The following PCDHA6 variants were observed in gnomAD, a reference collection of about 807,000 sequenced individuals.
The protein encoded by PCDHA6 is protocadherin alpha-6.
In PCDHA6, 55 loss-of-function variants were observed where a neutral mutation model predicts 60.3. The observed-to-expected ratio is 0.91, with a 90% CI of 0.73 to 1.14. The LOEUF (loss-of-function observed/expected upper bound fraction) is 1.14, where lower values mean the gene tolerates loss of function less well. Ranked by LOEUF, PCDHA6 falls within the 50% of genes most tolerant of loss-of-function variation. PCDHA6 has a pLI of 0.00. For missense variants in PCDHA6, 1,327 were observed against 1,256.5 expected (o/e 1.06, Z -0.85); for synonymous variants, 652 against 557.9 (o/e 1.17, Z -2.38).
intron 1 of PCDHA6, chr5:140,862,540 G>A: frequency 4.5e-6 from 2 of 444,274 alleles, no homozygotes; most frequent in South Asian, 3.5e-5. Flanking sequence ...TCGGGTCCGT[G>A]GAAGTGGCCG....
chr5:141,009,771 T>C lies in PCDHA6; in HGVS notation c.2687T>C (p.Ile896Thr), dbSNP rs142720081. 3.1e-5 allele frequency: 50 copies of C among 1,613,964 alleles called. No homozygotes were observed. The highest frequency in any genetic ancestry group is 1.6e-4 in the Middle Eastern group (1 of 6,084). Residue 896 changes from isoleucine (I) to threonine (T), a missense_variant, in exon 4 of 4, where the codon ATC (isoleucine) becomes ACC (threonine). Transcript: ENST00000529310. ...DKFIIPGSPA[I>T]ISIRQEPTNS... ...TTCATTATCCCAGGATCTCCTGCAA[T>C]CATCTCCATCCGGCAGGAGCCTACT...
At chr5:141,006,058 G>T (rs1002161598) in intron 3 of PCDHA6, among the ~76,000 whole-genome samples, 2 of 149,786 alleles carry the variant, frequency 1.3e-5, no homozygotes, top group Non-Finnish European at 3.0e-5. Flanking sequence ...GAGTGGAGAA[G>T]AAATAAAAAT....
intron 1 of PCDHA6, chr5:140,877,494 G>A: frequency 6.2e-7 from 1 of 1,613,890 alleles, no homozygotes; most frequent in Non-Finnish European, 8.5e-7. Context: ...AGAACGGCCA[G>A]GCCCCAAAGA....
chr5:140,841,209 T>A (rs1777094069), intron 1 of PCDHA6: 4 of 1,385,024 alleles, frequency 2.9e-6, no homozygotes, highest in Non-Finnish European at 3.9e-6. Context: ...AGCATCTGTC[T>A]CTAAAGGCCG....
rs782188760 is a variant in PCDHA6, at chr5:140,877,108, G to A, written c.2394+46623G>A. 2.5e-5 allele frequency: 41 copies of A among 1,613,540 alleles called. No individual in the cohort carries two copies. Among genetic ancestry groups the A allele is most frequent in the South Asian group, 1.1e-4 (10 of 91,052 alleles). ...GCGCGACGCCGGCGTGCCGCCTCTG[G>A]GCAGCAACGTGACGCTGCAGGTGTT... On this transcript the variant is annotated intron_variant, in intron 1 of 3. Transcript: ENST00000529310.
chr5:140,941,202 C>CCTTCCTTTCTTTCTTTCTTTCTTT (rs1554213920), intron 1 of PCDHA6, among the ~76,000 whole-genome samples: 8 of 122,742 alleles, frequency 6.5e-5, no homozygotes, highest in Non-Finnish European at 1.1e-4. Flanking sequence ...TTTCTTTCTT[C>CCTTCCTTTCTTTCTTTCTTTCTTT]CTTTCTTTCT....
chr5:140,841,799 G>A (rs2150322924), intron 1 of PCDHA6: 2 of 1,613,942 alleles, frequency 1.2e-6, no homozygotes, highest in East Asian at 2.2e-5. Context: ...CGCGTCCGAT[G>A]CAGATGTTGG....
chr5:140,834,427 T>C (rs2150217610), intron 1 of PCDHA6: 1 of 1,613,722 alleles, frequency 6.2e-7, no homozygotes, highest in Non-Finnish European at 8.5e-7. Context: ...CGACATCTAC[T>C]GCTGTTTATT....
At position 140,828,761 on chromosome 5, in the gene PCDHA6, G is replaced by T. The variant is rs1769927024; in HGVS notation, c.670G>T (p.Gly224Cys). 3 of 1,614,218 alleles carry T rather than the reference G, an allele frequency of 1.9e-6. No individual in the cohort carries two copies. Among genetic ancestry groups the T allele is most frequent in the Middle Eastern group, 1.6e-4 (1 of 6,062 alleles). The change falls in exon 1 of 4, where the codon GGC (glycine) becomes TGC (cysteine). Residue 224 changes from glycine (G) to cysteine (C), a missense_variant. Gly to Cys is a radical substitution (Grantham distance 159). Coordinates refer to ENST00000529310, the MANE Select transcript of PCDHA6 (RefSeq NM_018909.4). ...AGATGGGGGCAAACCTGAGCTCACA[G>T]GCACTGTTCAGCTGCTGGTCACAGT... ...ATDGGKPELT[G>C]TVQLLVTVLD...
At chr5:140,950,872 T>C (rs782492363) in intron 1 of PCDHA6, among the ~76,000 whole-genome samples, 14 of 152,210 alleles carry the variant, frequency 9.2e-5, no homozygotes, top group Middle Eastern at 3.4e-3. Context: ...ATATTCTATA[T>C]TGTTCAATAG....
chr5:140,882,708 C>T, intron 1 of PCDHA6: 2 of 1,614,174 alleles, frequency 1.2e-6, no homozygotes, highest in Non-Finnish European at 1.7e-6. Flanking sequence ...GAATCTAGAC[C>T]TCCGGAAACT....
At chr5:140,952,058 T>C (rs889374877) in intron 1 of PCDHA6, among the ~76,000 whole-genome samples, 1 of 152,096 alleles carries the variant, frequency 6.6e-6, no homozygotes, top group African/African-American at 2.4e-5. Flanking sequence ...ATCTTAAAGC[T>C]CCAAATAATC....
intron 3 of PCDHA6, among the ~76,000 whole-genome samples, chr5:141,008,500 A>C (rs2098379990): frequency 6.6e-6 from 1 of 152,072 alleles, no homozygotes; most frequent in African/African-American, 2.4e-5. Context: ...GGTATACTTT[A>C]TGGTGTGTCT....
intron 1 of PCDHA6, among the ~76,000 whole-genome samples, chr5:140,958,710 A>G (rs1446140877): frequency 1.3e-5 from 2 of 152,210 alleles, no homozygotes; most frequent in Non-Finnish European, 2.9e-5. Flanking sequence ...CAACTCTGTT[A>G]TAATAAATGT....
chr5:140,834,218 G>C, intron 1 of PCDHA6: 1 of 668,584 alleles, frequency 1.5e-6, no homozygotes, highest in Non-Finnish European at 2.5e-6. Flanking sequence ...TTCGTAATCA[G>C]CAAAAGGAAG....
chr5:140,933,300 A>G (rs541308392), intron 1 of PCDHA6, among the ~76,000 whole-genome samples: 41 of 152,132 alleles, frequency 2.7e-4, no homozygotes, highest in African/African-American at 9.4e-4. Context: ...ATCTGGAAAT[A>G]AATATGCAAT....
intron 1 of PCDHA6, chr5:140,884,234 G>T (rs375170723): frequency 3.7e-6 from 6 of 1,613,500 alleles, no homozygotes; most frequent in Non-Finnish European, 4.2e-6. Context: ...GGACCACGGT[G>T]AGCCCGCGCT....
At chr5:140,983,583 CT>C (rs2153831802) in intron 3 of PCDHA6, among the ~76,000 whole-genome samples, 1 of 152,306 alleles carries the variant, frequency 6.6e-6, no homozygotes, top group African/African-American at 2.4e-5. Context: ...TTTATTACAT[CT>C]ATTCTACATA....
chr5:140,828,605 C>A lies in PCDHA6; in HGVS notation c.514C>A (p.Leu172Ile). The A allele has an allele frequency of 6.2e-7, 1 of 1,614,210 alleles. No homozygotes were observed. The highest frequency in any genetic ancestry group is 1.7e-5 in the Admixed American group (1 of 60,028). ...VGSNSILTYKLSSSEYFGLDV... is the reference protein window; with the variant it reads ...VGSNSILTYKISSSEYFGLDV... ...CTCAAATTCCATCTTAACCTATAAA[C>A]TCAGTTCTAGCGAATACTTCGGGCT... The change falls in exon 1 of 4, where the codon CTC becomes ATC. Residue 172 changes from leucine to isoleucine, a missense_variant. Leu to Ile is a conservative substitution (Grantham distance 5). Coordinates refer to ENST00000529310, the MANE Select transcript of PCDHA6 (RefSeq NM_018909.4).
Sources: gnomAD v4.1 joint callset for allele counts (sites outside exome capture counted in the v4.1 genomes callset) on GRCh38, gnomAD v4.1.1 for gene constraint, MANE v1.5 for transcripts, NCBI Gene and HGNC (gene_info 2026-07-23, HGNC 2026-07-21) for gene names.